The following ZFP90 variants were observed in gnomAD, a reference collection of about 807,000 sequenced individuals.
The protein encoded by ZFP90 is zinc finger protein 90 homolog.
In ZFP90, 38 loss-of-function variants were observed where a neutral mutation model predicts 60.8. That is an observed-to-expected ratio of 0.62 (90% confidence interval 0.48 to 0.82). ZFP90 has a LOEUF of 0.82. ZFP90 is among the 40% of genes least tolerant of loss of function. The probability of loss-of-function intolerance (pLI) is 0.00; values close to 1 mark genes in which losing one functional copy is unlikely to be tolerated. For synonymous variants in ZFP90, 287 were observed against 264.8 expected, an observed-to-expected ratio of 1.08 and a Z score of -0.82; for missense variants, 711 against 759.1, an observed-to-expected ratio of 0.94 and a Z score of 0.74.
chr16:68,554,074 A>G (rs1000011007), intron 2 of ZFP90, among the ~76,000 whole-genome samples: 3 of 151,936 alleles, frequency 2.0e-5, no homozygotes, highest in Admixed American at 6.6e-5. Context: ...GGGTGACAGA[A>G]ATAGGGAAAA....
intron 2 of ZFP90, among the ~76,000 whole-genome samples, chr16:68,549,724 G>C (rs2091223804): frequency 7.2e-6 from 1 of 138,414 alleles, no homozygotes; most frequent in African/African-American, 2.7e-5. Context: ...AATGTAACTA[G>C]ATGGCTACGG....
At chr16:68,548,474 CTTTTTTTTTTTTTTTTT>C (rs551779570) in intron 2 of ZFP90, among the ~76,000 whole-genome samples, 5 of 81,050 alleles carry the variant, frequency 6.2e-5, no homozygotes, top group African/African-American at 2.6e-4. Context: ...GTTTATCCTC[CTTTTTTTTTTTTTTTTT>C]TTTTTTTTTT....
intron 2 of ZFP90, among the ~76,000 whole-genome samples, chr16:68,573,422 G>T (rs960811636): frequency 1.3e-5 from 2 of 152,176 alleles, no homozygotes; most frequent in African/African-American, 4.8e-5. Flanking sequence ...AGGCTACAGT[G>T]AGCCATGATT....
At chr16:68,540,857 T>C in intron 2 of ZFP90, among the ~76,000 whole-genome samples, 1 of 144,594 alleles carries the variant, frequency 6.9e-6, no homozygotes. Flanking sequence ...ACCAACTTAG[T>C]AATGTCCTTT....
At chr16:68,558,330 A>G (rs760841913) in intron 3 of ZFP90, 143 bp from the exon 4 acceptor site, 9 of 1,093,522 alleles carry the variant, frequency 8.2e-6, no homozygotes, top group East Asian at 2.5e-5. Context: ...GAAATAGGCA[A>G]TTTGATTGCA....
At chr16:68,541,143 C>G (rs778537475) in intron 2 of ZFP90, among the ~76,000 whole-genome samples, 10 of 152,162 alleles carry the variant, frequency 6.6e-5, no homozygotes, top group Non-Finnish European at 1.2e-4. Flanking sequence ...TCAAGTGATT[C>G]TCCTGCCTCA....
At chr16:68,559,353 C>T (rs188860464) in intron 4 of ZFP90, among the ~76,000 whole-genome samples, 2 of 152,260 alleles carry the variant, frequency 1.3e-5, no homozygotes, top group Non-Finnish European at 2.9e-5. Context: ...CTTTCATCCC[C>T]CACCAGTATG....
chr16:68,575,303 C>T (rs1441114813), intron 2 of ZFP90, among the ~76,000 whole-genome samples: 2 of 152,148 alleles, frequency 1.3e-5, no homozygotes, highest in Non-Finnish European at 2.9e-5. Context: ...TTCATACCCG[C>T]ATTTGACAGT....
intron 2 of ZFP90, among the ~76,000 whole-genome samples, chr16:68,553,887 A>C (rs2091300109): frequency 6.6e-6 from 1 of 152,046 alleles, no homozygotes; most frequent in Non-Finnish European, 1.5e-5. Flanking sequence ...AGCCTCCCAA[A>C]GTGCTAGGAT....
chr16:68,542,548 G>A (rs1379887785), intron 2 of ZFP90, among the ~76,000 whole-genome samples: 5 of 152,074 alleles, frequency 3.3e-5, no homozygotes, highest in African/African-American at 1.2e-4. Flanking sequence ...CCGAGATCCT[G>A]CCACTGCACT....
chr16:68,566,505 G>C lies in ZFP90; in HGVS notation c.*1807G>C, dbSNP rs553397489. 7.4e-4 allele frequency: 733 copies of C among 985,494 alleles called. No homozygotes were observed. Among genetic ancestry groups the C allele is most frequent in the Middle Eastern group, 1.0e-3 (2 of 1,914 alleles). The allele number at this position is 985,494 out of a possible 1,614,324, so 61.0% of individuals were successfully genotyped here. A position where few individuals can be genotyped will look rare whatever the true frequency, so the allele number is the denominator to read the frequency against. ...ACCCAAGTATTCTTCATTCTTTGCAGGGAAAAAATTGTGCATGGGGGCTGA... is the reference window on the plus strand; with the variant it reads ...ACCCAAGTATTCTTCATTCTTTGCACGGAAAAAATTGTGCATGGGGGCTGA... On this transcript the variant is annotated 3_prime_UTR_variant, in exon 5 of 5. Transcript: ENST00000563169.
intron 2 of ZFP90, among the ~76,000 whole-genome samples, chr16:68,553,185 A>G (rs1041632889): frequency 1.3e-5 from 2 of 152,182 alleles, no homozygotes; most frequent in Non-Finnish European, 2.9e-5. Flanking sequence ...TGGGATATAG[A>G]CCGTAAACAT....
At chr16:68,553,894 G>A (rs2091300231) in intron 2 of ZFP90, among the ~76,000 whole-genome samples, 1 of 152,126 alleles carries the variant, frequency 6.6e-6, no homozygotes, top group Non-Finnish European at 1.5e-5. Context: ...CAAAGTGCTA[G>A]GATCACAGGT....
At chr16:68,536,086 T>C (rs1275612608), upstream of ZFP90, among the ~76,000 whole-genome samples, 3 of 152,194 alleles carry the variant, frequency 2.0e-5, no homozygotes, top group African/African-American at 7.2e-5. Flanking sequence ...TTCCAGTACA[T>C]GCACTTTCTA....
In ZFP90 at chr16:68,564,645, C is replaced by A. The variant is rs370199218; in HGVS notation, c.1858C>A (p.Arg620=). The A allele has an allele frequency of 2.5e-6, 4 of 1,613,734 alleles. No homozygotes were observed. Among genetic ancestry groups the A allele is most frequent in the Non-Finnish European group, 3.4e-6 (4 of 1,179,940 alleles). The change falls in exon 5 of 5, where the codon CGA becomes AGA. Residue 620 remains arginine, a synonymous_variant. Transcript: ENST00000563169. The stretch of plus-strand genomic sequence containing the variant: ...TAAGGAATGTGGGAAAAACTTCAGC[C>A]GAAGTTCAGCTCTTACTAAACACCA... The part of the protein sequence containing the change: ...SCKECGKNFS[R]SSALTKHQRI...
rs1046131399 is a variant in ZFP90 at position 68,564,859 on chromosome 16, A to G, written c.*161A>G. 9 of 1,339,932 alleles carry G rather than the reference A, an allele frequency of 6.7e-6. No individual in the cohort carries two copies. In the Admixed American group the frequency reaches 1.0e-4, roughly 15 times the overall value. 83.0% of individuals were successfully genotyped at this position (1,339,932 alleles called of 1,614,324 possible). On this transcript the variant is annotated 3_prime_UTR_variant, in exon 5 of 5. Coordinates refer to ENST00000563169, the MANE Select transcript of ZFP90 (RefSeq NM_001305203.2). ...TAGACAGATTTTTTTTTTTTAACAT[A>G]AAGACACATTCTCAGATCTGATTAC...
intron 2 of ZFP90, among the ~76,000 whole-genome samples, chr16:68,546,208 A>G (rs776198744): frequency 6.6e-6 from 1 of 152,234 alleles, no homozygotes. Context: ...GTATGTGAGC[A>G]TATATAATAT....
intron 2 of ZFP90, among the ~76,000 whole-genome samples, chr16:68,548,506 T>C (rs1034766616): frequency 2.5e-4 from 13 of 52,598 alleles, no homozygotes; most frequent in African/African-American, 1.1e-3. Context: ...TTTTTTTTTA[T>C]TGAGACGGAG....
chr16:68,553,218 G>A (rs936809187), intron 2 of ZFP90, among the ~76,000 whole-genome samples: 2 of 152,206 alleles, frequency 1.3e-5, no homozygotes, highest in African/African-American at 4.8e-5. Context: ...GGCAAAGGCT[G>A]TGAAAAAGAC....
Sources: gnomAD v4.1 joint callset for allele counts (sites outside exome capture counted in the v4.1 genomes callset) on GRCh38, gnomAD v4.1.1 for gene constraint, MANE v1.5 for transcripts, NCBI Gene and HGNC (gene_info 2026-07-23, HGNC 2026-07-21) for gene names.